The following C10orf90 variants were observed in gnomAD, a reference collection of about 807,000 sequenced individuals.
C10orf90 encodes chromosome 10 open reading frame 90.
C10orf90 carries 56 observed loss-of-function variants against 62.5 expected under a neutral mutation model. The observed-to-expected ratio is 0.90, with a 90% CI of 0.72 to 1.12. The LOEUF (loss-of-function observed/expected upper bound fraction) is 1.12, where lower values mean the gene tolerates loss of function less well. Ranked by LOEUF, C10orf90 falls within the 50% of genes most tolerant of loss-of-function variation. The pLI is 0.00. For missense variants in C10orf90, 970 were observed against 880.4 expected (o/e 1.10, Z -1.29); for synonymous variants, 386 against 340.4 (o/e 1.13, Z -1.47).
chr10:126,581,866 G>T (rs1865901), intron 2 of C10orf90, among the ~76,000 whole-genome samples: 90,663 of 151,998 alleles, frequency 0.6, 27,450 homozygotes, highest in African/African-American at 0.69. Context: ...ATTCGGACAG[G>T]TGCTGTGGAA....
At chr10:126,540,420 A>G (rs1864346456) in intron 2 of C10orf90, among the ~76,000 whole-genome samples, 1 of 152,186 alleles carries the variant, frequency 6.6e-6, no homozygotes, top group South Asian at 2.1e-4. Flanking sequence ...ACACTTTGAG[A>G]GGCCAAGACA....
chr10:126,532,661 C>T (rs1864125059), intron 2 of C10orf90, among the ~76,000 whole-genome samples: 1 of 150,812 alleles, frequency 6.6e-6, no homozygotes, highest in Non-Finnish European at 1.5e-5. Flanking sequence ...CACGGTGAAA[C>T]CCCGTCTCTA....
chr10:126,528,923 G>A lies in C10orf90; in HGVS notation c.314-14984C>T, dbSNP rs544548547. 5.3e-5 allele frequency among the ~76,000 whole-genome samples: 8 copies of A among 152,278 alleles called. No individual in the cohort carries two copies. The East Asian group carries it at 1.4e-3, about 26-fold the overall frequency. On this transcript the variant is annotated intron_variant, in intron 2 of 9. Transcript: ENST00000488181. The stretch of plus-strand genomic sequence containing the variant: ...GAAAGGTAGATCTACAAAGGCAGAC[G>A]TAGCCAGGGATCTGCCCTATCAGAT...
chr10:126,644,095 G>C (rs1846117624), intron 2 of C10orf90, among the ~76,000 whole-genome samples: 1 of 152,206 alleles, frequency 6.6e-6, no homozygotes, highest in South Asian at 2.1e-4. Context: ...CCCACGATTG[G>C]AGAGAATCCT....
chr10:126,548,497 G>T (rs1204695947), intron 2 of C10orf90, among the ~76,000 whole-genome samples: 1 of 152,140 alleles, frequency 6.6e-6, no homozygotes, highest in East Asian at 1.9e-4. Context: ...CTCCCCAGTA[G>T]CTGGGATTAC....
chr10:126,457,380 C>T lies in C10orf90; in HGVS notation c.2188+1660G>A, dbSNP rs192356041. 5.2e-4 allele frequency among the ~76,000 whole-genome samples: 79 copies of T among 152,318 alleles called. 1 individual carries two copies. The East Asian group carries it at 0.011, about 21-fold the overall frequency. ...ATGGCCAAGGCCACATTGCCTCTGGCGCTTGGGATGATGGTGTTCCAGACC... is the reference window on the plus strand; with the variant it reads ...ATGGCCAAGGCCACATTGCCTCTGGTGCTTGGGATGATGGTGTTCCAGACC... On this transcript the variant is annotated intron_variant, in intron 7 of 9. Coordinates refer to ENST00000488181, the MANE Select transcript of C10orf90 (RefSeq NM_001350921.2).
intron 2 of C10orf90, among the ~76,000 whole-genome samples, chr10:126,600,225 C>T (rs537377784): frequency 6.0e-5 from 9 of 149,486 alleles, no homozygotes; most frequent in East Asian, 3.9e-4. Context: ...ACTTTCCTTA[C>T]GGTCCAGACG....
At chr10:126,426,266 C>T (rs1467287729) in intron 8 of C10orf90, among the ~76,000 whole-genome samples, 176 bp from the exon 9 acceptor site, 1 of 152,202 alleles carries the variant, frequency 6.6e-6, no homozygotes, top group Non-Finnish European at 1.5e-5. Flanking sequence ...TACCCAGAAC[C>T]TGCTGCATAG....
chr10:126,515,485 C>A (rs1240982282), intron 2 of C10orf90, among the ~76,000 whole-genome samples: 1 of 152,140 alleles, frequency 6.6e-6, no homozygotes, highest in Non-Finnish European at 1.5e-5. Context: ...CATTGTGCTG[C>A]AATTGCCTAC....
At position 126,425,273 on chromosome 10, in the gene C10orf90, C is replaced by T. The variant is rs1857203912; in HGVS notation, c.*591G>A. ...GAATGGGGCGGGGTGACTGAGGGCC[C>T]TCTGACTGCTCCAGGTCACAAAGAG... is the stretch of plus-strand genomic sequence containing the variant. On this transcript the variant is annotated 3_prime_UTR_variant, in exon 10 of 10. Transcript: ENST00000488181. The T allele has an allele frequency of 6.6e-6, 1 of 152,372 alleles. No homozygotes were observed. Among genetic ancestry groups the T allele is most frequent in the East Asian group, 1.9e-4 (1 of 5,186 alleles). 9.4% of individuals were successfully genotyped at this position (152,372 alleles called of 1,614,324 possible).
chr10:126,521,392 CA>C, intron 2 of C10orf90: 1 of 1,605,858 alleles, frequency 6.2e-7, no homozygotes, highest in Non-Finnish European at 8.5e-7. Flanking sequence ...TATTTGGCGA[CA>C]TGAAAGAAAA....
At chr10:126,637,027 CAATT>C (rs1845965222) in intron 2 of C10orf90, among the ~76,000 whole-genome samples, 2 of 152,084 alleles carry the variant, frequency 1.3e-5, no homozygotes, top group African/African-American at 2.4e-5. Context: ...ATACAACTAA[CAATT>C]AATAAGGAAG....
At chr10:126,644,783 C>A in intron 2 of C10orf90, among the ~76,000 whole-genome samples, 1 of 152,216 alleles carries the variant, frequency 6.6e-6, no homozygotes, top group Middle Eastern at 3.2e-3. Context: ...GTTCTCACGG[C>A]CACCTCTGAG....
At chr10:126,613,580 G>A (rs1349594842) in intron 2 of C10orf90, among the ~76,000 whole-genome samples, 1 of 152,188 alleles carries the variant, frequency 6.6e-6, no homozygotes, top group Non-Finnish European at 1.5e-5. Context: ...ATGCAAAACT[G>A]TGCAATTACC....
At chr10:126,623,486 T>G (rs1845685285) in intron 2 of C10orf90, among the ~76,000 whole-genome samples, 2 of 152,116 alleles carry the variant, frequency 1.3e-5, no homozygotes, top group African/African-American at 2.4e-5. Context: ...TATTTTCCTT[T>G]GCGGAGCTCA....
chr10:126,638,886 G>C (rs1846005343), intron 2 of C10orf90, among the ~76,000 whole-genome samples: 1 of 152,178 alleles, frequency 6.6e-6, no homozygotes, highest in Non-Finnish European at 1.5e-5. Context: ...GACCTCAACT[G>C]TCCAGTGCTG....
rs562191725 is a variant in C10orf90 at position 126,441,669 on chromosome 10, G to T, written c.2189-11819C>A. On this transcript the variant is annotated intron_variant, in intron 7 of 9. Coordinates refer to ENST00000488181, the MANE Select transcript of C10orf90 (RefSeq NM_001350921.2). ...GTAAGTTATAAAGGAAAATTTATCAGATTAATAACAGATTTCTCAGCAGAA... is the reference window on the plus strand; with the variant it reads ...GTAAGTTATAAAGGAAAATTTATCATATTAATAACAGATTTCTCAGCAGAA... 1.4e-3 allele frequency among the ~76,000 whole-genome samples: 213 copies of T among 152,274 alleles called. 1 individual carries two copies. Among genetic ancestry groups the T allele is most frequent in the African/African-American group, 4.9e-3 (204 of 41,564 alleles).
At chr10:126,517,919 A>G (rs907998912) in intron 2 of C10orf90, among the ~76,000 whole-genome samples, 6 of 151,606 alleles carry the variant, frequency 4.0e-5, no homozygotes, top group African/African-American at 1.5e-4. Flanking sequence ...AAAAAAAAAA[A>G]AAAAAAAAAA....
chr10:126,544,124 T>C (rs1238361599), intron 2 of C10orf90, among the ~76,000 whole-genome samples: 1 of 152,184 alleles, frequency 6.6e-6, no homozygotes, highest in African/African-American at 2.4e-5. Context: ...TTTAATATTG[T>C]CAACTAACTC....
Sources: allele counts gnomAD v4.1 joint callset (sites outside exome capture counted in the v4.1 genomes callset), GRCh38; gene constraint gnomAD v4.1.1; transcripts MANE v1.5; gene names NCBI Gene and HGNC (gene_info 2026-07-23, HGNC 2026-07-21).